GPC5: variants seen among roughly 807,000 people sequenced by gnomAD.
GPC5 encodes the protein glypican-5.
A neutral mutation model predicts 53.9 loss-of-function variants in GPC5; 47 were observed. The ratio of observed to expected loss-of-function variants is 0.87; its 90% CI spans 0.69 to 1.11. The LOEUF is 1.11. Ranked by LOEUF, GPC5 falls within the 50% of genes most tolerant of loss-of-function variation. GPC5 has a pLI of 0.00. For missense variants in GPC5, 748 were observed against 713.1 expected, an observed-to-expected ratio of 1.05 and a Z score of -0.56; for synonymous variants, 286 against 263.3, an observed-to-expected ratio of 1.09 and a Z score of -0.84.
chr13:92,061,132 T>C (rs1284423616), intron 6 of GPC5, among the ~76,000 whole-genome samples: 1 of 151,976 alleles, frequency 6.6e-6, no homozygotes, highest in Non-Finnish European at 1.5e-5. Context: ...TAATAGAAAA[T>C]GGCAGAACCT....
At chr13:91,594,725 C>G (rs2032926478) in intron 2 of GPC5, among the ~76,000 whole-genome samples, 1 of 152,084 alleles carries the variant, frequency 6.6e-6, no homozygotes, top group South Asian at 2.1e-4. Context: ...GTCACCTAGG[C>G]TGGGCTACAG....
intron 7 of GPC5, among the ~76,000 whole-genome samples, chr13:92,715,964 A>G (rs1406686479): frequency 6.6e-6 from 1 of 152,186 alleles, no homozygotes. Context: ...TGGTGATTTT[A>G]ACATGTAGTT....
At chr13:91,681,925 A>G (rs2035517083) in intron 2 of GPC5, among the ~76,000 whole-genome samples, 1 of 152,216 alleles carries the variant, frequency 6.6e-6, no homozygotes, top group Non-Finnish European at 1.5e-5. Flanking sequence ...ATTTTGTTCA[A>G]TTATATAAAG....
At chr13:92,180,351 A>T (rs1242550335) in intron 7 of GPC5, among the ~76,000 whole-genome samples, 1 of 152,230 alleles carries the variant, frequency 6.6e-6, no homozygotes, top group Non-Finnish European at 1.5e-5. Context: ...TATCCAATAA[A>T]ACAAAAGAAA....
chr13:92,158,209 CT>C (rs1164298724), intron 7 of GPC5, among the ~76,000 whole-genome samples: 1 of 152,130 alleles, frequency 6.6e-6, no homozygotes, highest in African/African-American at 2.4e-5. Context: ...TGCACTCTTC[CT>C]GGAGCACCAC....
chr13:92,308,453 A>C (rs1566531318), intron 7 of GPC5, among the ~76,000 whole-genome samples: 1 of 152,212 alleles, frequency 6.6e-6, no homozygotes, highest in Non-Finnish European at 1.5e-5. Context: ...GTTTATATTC[A>C]TTAAACACGT....
At position 92,243,197 on chromosome 13, in the gene GPC5, TCA is replaced by T. The variant is rs1213180071; in HGVS notation, c.1561+98211_1561+98212del. 3.9e-5 allele frequency among the ~76,000 whole-genome samples: 6 copies of T among 152,328 alleles called. No homozygotes were observed. The East Asian group carries it at 1.2e-3, about 29-fold the overall frequency. ...TTTCTGTTGCAACTCAAAACATTTC[TCA>T]CAGACTTTTCACAACTACATATTTT... On this transcript the variant is annotated intron_variant, in intron 7 of 7. Transcript: ENST00000377067.
intron 7 of GPC5, among the ~76,000 whole-genome samples, chr13:92,336,426 GT>G (rs1044454025): frequency 2.0e-5 from 3 of 152,004 alleles, no homozygotes; most frequent in African/African-American, 7.2e-5. Flanking sequence ...AATATGCATG[GT>G]TTTTGTACAT....
At chr13:91,414,387 C>G (rs773292316) in intron 1 of GPC5, among the ~76,000 whole-genome samples, 1 of 152,212 alleles carries the variant, frequency 6.6e-6, no homozygotes, top group Admixed American at 6.5e-5. Flanking sequence ...CTATGCAGAA[C>G]GGAGTCAGTT....
intron 2 of GPC5, among the ~76,000 whole-genome samples, chr13:91,515,642 A>C (rs1447726433): frequency 6.6e-6 from 1 of 152,218 alleles, no homozygotes; most frequent in Admixed American, 6.5e-5. Flanking sequence ...TCTTCCTCTC[A>C]TGATGACAAT....
chr13:92,311,803 G>T (rs1248479709), intron 7 of GPC5, among the ~76,000 whole-genome samples: 1 of 152,092 alleles, frequency 6.6e-6, no homozygotes, highest in Non-Finnish European at 1.5e-5. Flanking sequence ...ATGAGATTTG[G>T]GTGGGGACAC....
intron 7 of GPC5, among the ~76,000 whole-genome samples, chr13:92,469,515 G>A (rs887335362): frequency 6.6e-6 from 1 of 152,080 alleles, no homozygotes; most frequent in Non-Finnish European, 1.5e-5. Context: ...TTATGATTAA[G>A]ACTAGAATTC....
intron 6 of GPC5, among the ~76,000 whole-genome samples, chr13:92,045,237 A>C (rs1341545995): frequency 1.3e-5 from 2 of 152,172 alleles, no homozygotes; most frequent in Non-Finnish European, 2.9e-5. Flanking sequence ...CAAGAGTAAA[A>C]TGTGTCGTGC....
intron 5 of GPC5, among the ~76,000 whole-genome samples, chr13:91,788,628 A>G (rs1368169477): frequency 6.6e-6 from 1 of 152,184 alleles, no homozygotes; most frequent in Non-Finnish European, 1.5e-5. Context: ...TATATATACT[A>G]TTATTCAAAA....
At chr13:91,958,271 T>C (rs145719433) in intron 6 of GPC5, among the ~76,000 whole-genome samples, 66 of 111,394 alleles carry the variant, frequency 5.9e-4, no homozygotes, top group African/African-American at 1.8e-3. Context: ...AGTCAAAAAC[T>C]GTAAAAAGAA....
intron 2 of GPC5, among the ~76,000 whole-genome samples, chr13:91,532,539 A>T (rs1886398330): frequency 6.6e-6 from 1 of 152,100 alleles, no homozygotes; most frequent in Non-Finnish European, 1.5e-5. Context: ...GGGTCTGAAG[A>T]AATTAGTTGG....
chr13:91,822,863 G>A (rs1346733958), intron 5 of GPC5, among the ~76,000 whole-genome samples: 1 of 152,076 alleles, frequency 6.6e-6, no homozygotes, highest in Non-Finnish European at 1.5e-5. Flanking sequence ...AGTCTAGGTA[G>A]CTCTCTCTTC....
chr13:91,528,844 G>A (rs889479970), intron 2 of GPC5, among the ~76,000 whole-genome samples: 3 of 152,160 alleles, frequency 2.0e-5, no homozygotes, highest in Non-Finnish European at 1.5e-5. Flanking sequence ...AGAGGAGAAA[G>A]AGAGCACAGG....
chr13:91,687,760 T>A (rs1398777005), intron 2 of GPC5, among the ~76,000 whole-genome samples: 1 of 152,066 alleles, frequency 6.6e-6, no homozygotes. Context: ...TTATTCCTAA[T>A]CTGTTTCTTA....
Sources: gnomAD v4.1 joint callset for allele counts (sites outside exome capture counted in the v4.1 genomes callset) on GRCh38, gnomAD v4.1.1 for gene constraint, MANE v1.5 for transcripts, NCBI Gene and HGNC (gene_info 2026-07-23, HGNC 2026-07-21) for gene names.